The following SSH1 variants were observed in gnomAD, a reference collection of about 807,000 sequenced individuals.
The protein encoded by SSH1 is protein phosphatase Slingshot homolog 1.
In SSH1, 43 loss-of-function variants were observed where a neutral mutation model predicts 79.7. That is an observed-to-expected ratio of 0.54 (90% CI 0.42 to 0.70). The LOEUF (loss-of-function observed/expected upper bound fraction) is 0.70, where lower values mean the gene tolerates loss of function less well. SSH1 is among the 30% of genes least tolerant of loss of function. SSH1 has a pLI of 0.00. For missense variants in SSH1, 1,206 were observed against 1,358.8 expected (o/e 0.89, Z 1.77); for synonymous variants, 599 against 538.3 (o/e 1.11, Z -1.56).
intron 3 of SSH1, among the ~76,000 whole-genome samples, chr12:108,820,687 T>C (rs2038084919): frequency 2.6e-5 from 4 of 152,168 alleles, no homozygotes. Flanking sequence ...CAAACTGAAC[T>C]ACTTTTCCAA....
rs1264728368 is a variant in SSH1 at position 108,827,168 on chromosome 12, C to T, written c.111-3807G>A. ...AGACAAAAAACCTCAATCAATGCTC[C>T]TCAAAAAACCCCAGGCCCCCAAAAT... On this transcript the variant is annotated intron_variant, in intron 2 of 14. Coordinates refer to ENST00000326495, the MANE Select transcript of SSH1 (RefSeq NM_018984.4). 2.4e-6 allele frequency: 3 copies of T among 1,271,610 alleles called. No homozygotes were observed. The African/African-American group carries it at 4.6e-5, about 19-fold the overall frequency. 78.8% of individuals were successfully genotyped at this position (1,271,610 alleles called of 1,614,324 possible). A position where few individuals can be genotyped will look rare whatever the true frequency, so the allele number is the denominator to read the frequency against.
At chr12:108,802,469 T>C in intron 10 of SSH1, 101 bp from the exon 11 acceptor site, 1 of 1,053,210 alleles carries the variant, frequency 9.5e-7, no homozygotes. Context: ...TGAGGTCTTA[T>C]TTCATGGCCC....
Position 108,800,876 on chromosome 12 carries a change from C to G in SSH1, c.1052G>C (p.Gly351Ala), listed in dbSNP as rs753133126. The change falls in exon 12 of 15, where the codon GGC (glycine) becomes GCC (alanine). Residue 351 changes from glycine (G) to alanine (A), a missense_variant. Gly to Ala is a moderately conservative substitution (Grantham distance 60). This residue lies in a region of SSH1 where 166 missense variants were observed against 262.9 expected (regional missense o/e 0.63). Transcript: ENST00000326495. ...TCGGATGTTATGATATGCAAATAAG[C>G]CAGGAAAAAAATTATCGATTTCTCT... is the stretch of plus-strand genomic sequence containing the variant. ...VTREIDNFFPGLFAYHNIRVY... is the reference protein window; with the variant it reads ...VTREIDNFFPALFAYHNIRVY... The G allele has an allele frequency of 3.1e-6, 5 of 1,613,622 alleles. No individual in the cohort carries two copies. The highest frequency in any genetic ancestry group is 4.2e-6 in the Non-Finnish European group (5 of 1,179,878).
chr12:108,800,380 C>T (rs893990097), intron 12 of SSH1, among the ~76,000 whole-genome samples: 2 of 152,120 alleles, frequency 1.3e-5, no homozygotes, highest in Non-Finnish European at 2.9e-5. Flanking sequence ...AGCCCGTGTC[C>T]GTGCATGTCA....
At chr12:108,792,251 G>A (rs377081651) in intron 14 of SSH1, 35 bp downstream of exon 14, 2 of 1,614,152 alleles carry the variant, frequency 1.2e-6, no homozygotes, top group Non-Finnish European at 1.7e-6. Flanking sequence ...TGGAAGGGAT[G>A]GGGTGTGCCA....
chr12:108,802,497 A>G (rs1565981216), intron 10 of SSH1, 129 bp from the exon 11 acceptor site: 2 of 777,860 alleles, frequency 2.6e-6, no homozygotes, highest in African/African-American at 3.4e-5. Context: ...CTCAGAGAAC[A>G]GAGAGAACCA....
chr12:108,792,495 C>T lies in SSH1; in HGVS notation c.1684G>A (p.Gly562Arg), dbSNP rs201433179. The change falls in exon 14 of 15, where the codon GGA (glycine) becomes AGA (arginine). Residue 562 changes from glycine to arginine, a missense_variant. Gly to Arg is a moderately radical substitution (Grantham distance 125). Transcript: ENST00000326495. ...RPARQPQQGS[G>R]LCEKDVKKKL... The stretch of plus-strand genomic sequence containing the variant: ...TTCTTCACATCCTTCTCACAGAGTC[C>T]GGAACCTTGCTGGGGCTGTCTGGCC... 532 of 1,614,206 alleles carry T rather than the reference C, an allele frequency of 3.3e-4. 2 individuals are homozygous for T. Among genetic ancestry groups the T allele is most frequent in the Non-Finnish European group, 1.1e-4 (133 of 1,180,044 alleles).
At chr12:108,811,134 C>A in intron 6 of SSH1, 126 bp downstream of exon 6, 1 of 889,630 alleles carries the variant, frequency 1.1e-6, no homozygotes, top group South Asian at 1.4e-5. Context: ...TATGATTTCT[C>A]CCGCTGTGAC....
At position 108,792,647 on chromosome 12, in the gene SSH1, A is replaced by T. The variant is rs766898122; in HGVS notation, c.1532T>A (p.Phe511Tyr). 7 of 1,611,802 alleles carry T rather than the reference A, an allele frequency of 4.3e-6. No homozygotes were observed. In the South Asian group the frequency reaches 6.6e-5, roughly 15 times the overall value. Residue 511 changes from phenylalanine (F) to tyrosine (Y), a missense_variant, in exon 14 of 15, where the codon TTC becomes TAC. By Grantham distance (22) the Phe-to-Tyr change is conservative. Coordinates refer to ENST00000326495, the MANE Select transcript of SSH1 (RefSeq NM_018984.4). ...PGLGPPLPCCFRRLSDPLLPS... is the reference protein window; with the variant it reads ...PGLGPPLPCCYRRLSDPLLPS... The stretch of plus-strand genomic sequence containing the variant: ...CAGAAGGGGGTCTGAGAGTCGCCGG[A>T]AACAGCAGGGGAGGGGGGGCCCTAA...
Position 108,792,685 on chromosome 12 carries a change from G to A in SSH1, c.1494C>T (p.Ala498=), listed in dbSNP as rs200240565. 94 of 1,612,664 alleles carry A rather than the reference G, an allele frequency of 5.8e-5. 1 individual carries two copies. Among genetic ancestry groups the A allele is most frequent in the Middle Eastern group, 4.9e-4 (3 of 6,062 alleles). Residue 498 remains alanine, a synonymous_variant, in exon 14 of 15, where the codon GCC becomes GCT. Coordinates refer to ENST00000326495, the MANE Select transcript of SSH1 (RefSeq NM_018984.4). The part of the protein sequence containing the change: ...PESQLPFLDD[A]AQPGLGPPLP... ...GGGGGGGCCCTAAGCCGGGCTGGGC[G>A]GCATCATCCAAGAAGGGCAGCTGGC... is the stretch of plus-strand genomic sequence containing the variant.
chr12:108,828,866 A>C (rs2038400349), intron 2 of SSH1, among the ~76,000 whole-genome samples: 1 of 152,216 alleles, frequency 6.6e-6, no homozygotes. Flanking sequence ...CATGTGGCCA[A>C]GGCTGTAGGA....
At chr12:108,811,774 T>G in intron 5 of SSH1, 1 of 249,490 alleles carries the variant, frequency 4.0e-6, no homozygotes, top group Non-Finnish European at 8.1e-6. Flanking sequence ...GGTTTTACAA[T>G]CTCGCTTAAT....
intron 9 of SSH1, 141 bp downstream of exon 9, chr12:108,806,160 A>T: frequency 1.2e-6 from 1 of 821,874 alleles, no homozygotes; most frequent in Admixed American, 1.7e-5. Context: ...AGAACGAGGC[A>T]GAAAAAAGCC....
intron 1 of SSH1, chr12:108,853,140 A>G: frequency 1.0e-6 from 1 of 985,444 alleles, no homozygotes; most frequent in Non-Finnish European, 1.2e-6. Flanking sequence ...CAAGACTTGC[A>G]CAGTGGAAGG....
chr12:108,784,738 T>A lies in SSH1; in HGVS notation c.*3250A>T, dbSNP rs1441087841. On this transcript the variant is annotated 3_prime_UTR_variant, in exon 15 of 15. Coordinates refer to ENST00000326495, the MANE Select transcript of SSH1 (RefSeq NM_018984.4). Reference sequence around the variant, plus strand: ...TTCCTGTATCAATGCAAGGTGAAGATGTAGAAAAGTTCAGTCTAACTTTTG... The same window carrying A: ...TTCCTGTATCAATGCAAGGTGAAGAAGTAGAAAAGTTCAGTCTAACTTTTG... The A allele has an allele frequency of 6.6e-6, 1 of 152,182 alleles. No homozygotes were observed. Among genetic ancestry groups the A allele is most frequent in the East Asian group, 1.9e-4 (1 of 5,196 alleles). The allele number at this position is 152,182 out of a possible 1,614,324, so 9.4% of individuals were successfully genotyped here. A position where few individuals can be genotyped will look rare whatever the true frequency, so the allele number is the denominator to read the frequency against.
At chr12:108,849,039 T>A (rs1282725075) in intron 2 of SSH1, among the ~76,000 whole-genome samples, 1 of 152,012 alleles carries the variant, frequency 6.6e-6, no homozygotes, top group Non-Finnish European at 1.5e-5. Flanking sequence ...ACTAACCTGG[T>A]CCCCAGAAAG....
intron 3 of SSH1, among the ~76,000 whole-genome samples, 169 bp downstream of exon 3, chr12:108,823,089 G>A (rs1008823822): frequency 2.6e-5 from 4 of 152,218 alleles, no homozygotes; most frequent in South Asian, 2.1e-4. Flanking sequence ...GAAAATGTGC[G>A]TGGTCTGCTC....
At position 108,789,179 on chromosome 12, in the gene SSH1, C is replaced by T; in HGVS notation, c.1959G>A (p.Met653Ile). Residue 653 changes from methionine to isoleucine, a missense_variant, in exon 15 of 15, where the codon ATG becomes ATA. Met to Ile is a conservative substitution (Grantham distance 10). Transcript: ENST00000326495. ...CAGGAGCCCCGCTGGCTGTAGGGTA[C>T]ATGCAGTCGGCACAGGATTTATAGG... Reference protein sequence around the residue: ...KPSYKSCADCMYPTASGAPEA... With the variant: ...KPSYKSCADCIYPTASGAPEA... The T allele has an allele frequency of 1.2e-6, 2 of 1,610,788 alleles. No homozygotes were observed. Among genetic ancestry groups the T allele is most frequent in the Non-Finnish European group, 1.7e-6 (2 of 1,178,398 alleles).
intron 6 of SSH1, among the ~76,000 whole-genome samples, chr12:108,810,226 A>G (rs998929039): frequency 1.3e-5 from 2 of 151,548 alleles, no homozygotes. Context: ...TATAAAATAT[A>G]AAAAATTAAT....
Sources: gnomAD v4.1 joint callset for allele counts (sites outside exome capture counted in the v4.1 genomes callset) on GRCh38, gnomAD v4.1.1 for gene constraint, gnomAD v4.1.1 regional missense constraint, MANE v1.5 for transcripts, NCBI Gene and HGNC (gene_info 2026-07-23, HGNC 2026-07-21) for gene names.